Variants in FOXJ3 observed in about 807,000 individuals in gnomAD.
FOXJ3 encodes forkhead box protein J3.
Under a neutral mutation model 76.1 loss-of-function variants are expected in FOXJ3, and 22 were observed. That is an observed-to-expected ratio of 0.29 (90% CI 0.21 to 0.41). The LOEUF is 0.41. FOXJ3 is among the 10% of genes least tolerant of loss of function. The pLI, the probability that FOXJ3 is intolerant of heterozygous loss-of-function variation, is 1.00. For synonymous variants in FOXJ3, 269 were observed against 261.2 expected (o/e 1.03, Z -0.29); for missense variants, 613 against 762.1 (o/e 0.80, Z 2.30).
intron 2 of FOXJ3, among the ~76,000 whole-genome samples, chr1:42,309,037 T>C (rs1434436555): frequency 2.2e-5 from 3 of 138,258 alleles, no homozygotes; most frequent in African/African-American, 5.3e-5. Flanking sequence ...TACTGAGAAA[T>C]AGGATAGTCA....
At chr1:42,211,634 G>A (rs1403883161) in intron 5 of FOXJ3, among the ~76,000 whole-genome samples, 1 of 152,130 alleles carries the variant, frequency 6.6e-6, no homozygotes, top group East Asian at 1.9e-4. Context: ...TAAAGTACTG[G>A]AGGAGAAAAT....
chr1:42,301,403 T>C (rs1444673162), intron 2 of FOXJ3, among the ~76,000 whole-genome samples: 2 of 152,090 alleles, frequency 1.3e-5, no homozygotes, highest in Non-Finnish European at 2.9e-5. Flanking sequence ...GTTTTCACCA[T>C]GTTGGCCAGG....
At chr1:42,282,659 G>C (rs577179074) in intron 2 of FOXJ3, among the ~76,000 whole-genome samples, 27 of 152,202 alleles carry the variant, frequency 1.8e-4, no homozygotes, top group Admixed American at 1.5e-3. Context: ...ATAGTAACTG[G>C]ATAAGGAATA....
In FOXJ3 at chr1:42,234,869, C is replaced by T. The variant is rs115278823; in HGVS notation, c.445-6903G>A. Among the ~76,000 whole-genome samples, 1,290 of 152,304 alleles carry T rather than the reference C, an allele frequency of 8.5e-3. 7 individuals carry two copies. The highest frequency in any genetic ancestry group is 0.017 in the Middle Eastern group (5 of 292). On this transcript the variant is annotated intron_variant, in intron 4 of 12. Coordinates refer to ENST00000361346, the MANE Select transcript of FOXJ3 (RefSeq NM_014947.5). ...TCCAGTTAGGCTACAATTGAGGAGG[C>T]TGTCTGTCCGTTCTCAGATCTCCAG... is the stretch of plus-strand genomic sequence containing the variant.
intron 1 of FOXJ3, among the ~76,000 whole-genome samples, chr1:42,324,040 ATATATAG>A: frequency 6.8e-6 from 1 of 146,336 alleles, no homozygotes; most frequent in South Asian, 2.1e-4. Context: ...TATACACACT[ATATATAG>A]TATATACACT....
At chr1:42,197,299 G>A (rs1284540661) in intron 7 of FOXJ3, among the ~76,000 whole-genome samples, 1 of 151,922 alleles carries the variant, frequency 6.6e-6, no homozygotes, top group Non-Finnish European at 1.5e-5. Context: ...TAAGCCAGGA[G>A]TTCGAGACCA....
At chr1:42,236,323 T>C (rs1164900088) in intron 4 of FOXJ3, among the ~76,000 whole-genome samples, 1 of 152,170 alleles carries the variant, frequency 6.6e-6, no homozygotes. Flanking sequence ...CCTGAATAGG[T>C]AGGACTATAA....
intron 1 of FOXJ3, among the ~76,000 whole-genome samples, chr1:42,333,084 C>T (rs1229471528): frequency 6.6e-6 from 1 of 151,764 alleles, no homozygotes; most frequent in Non-Finnish European, 1.5e-5. Context: ...TGCTGACTTA[C>T]CAAAAAAAAA....
chr1:42,232,287 A>G (rs914764193), intron 4 of FOXJ3, among the ~76,000 whole-genome samples: 3 of 147,752 alleles, frequency 2.0e-5, no homozygotes, highest in African/African-American at 7.5e-5. Flanking sequence ...TAGCAGCATG[A>G]TTTACAATCC....
chr1:42,291,965 G>A (rs1259939763), intron 2 of FOXJ3, among the ~76,000 whole-genome samples: 5 of 152,088 alleles, frequency 3.3e-5, no homozygotes, highest in Admixed American at 6.6e-5. Flanking sequence ...CCAGGAGGAC[G>A]GGAGCAGGCT....
intron 1 of FOXJ3, among the ~76,000 whole-genome samples, chr1:42,321,403 A>G (rs1031688990): frequency 6.6e-6 from 1 of 152,140 alleles, no homozygotes; most frequent in African/African-American, 2.4e-5. Flanking sequence ...TCATTTATCT[A>G]TCATCCCTGA....
At chr1:42,293,070 C>T (rs2124709901) in intron 2 of FOXJ3, among the ~76,000 whole-genome samples, 2 of 152,218 alleles carry the variant, frequency 1.3e-5, no homozygotes, top group East Asian at 3.9e-4. Context: ...CACTGTACTC[C>T]AGCCTGGGTG....
intron 2 of FOXJ3, among the ~76,000 whole-genome samples, chr1:42,292,126 G>C (rs1653477706): frequency 6.6e-6 from 1 of 152,054 alleles, no homozygotes; most frequent in Non-Finnish European, 1.5e-5. Context: ...CAAAGAAAAA[G>C]GATTCATAAG....
chr1:42,281,008 A>G (rs1652669211), intron 2 of FOXJ3, among the ~76,000 whole-genome samples: 1 of 152,174 alleles, frequency 6.6e-6, no homozygotes, highest in Non-Finnish European at 1.5e-5. Flanking sequence ...TTTCATACAA[A>G]AGCATATTAC....
intron 4 of FOXJ3, among the ~76,000 whole-genome samples, chr1:42,235,243 C>T (rs1185688057): frequency 6.6e-6 from 1 of 152,202 alleles, no homozygotes; most frequent in African/African-American, 2.4e-5. Context: ...TTTGCTAAGA[C>T]TGTTGGAAAA....
At chr1:42,206,821 T>TTTC (rs57608774) in intron 5 of FOXJ3, among the ~76,000 whole-genome samples, 37 of 151,928 alleles carry the variant, frequency 2.4e-4, no homozygotes, top group Admixed American at 5.9e-4. Flanking sequence ...TCAGGTCTTA[T>TTTC]TTCTTCTTCT....
chr1:42,302,534 A>G (rs1389628020), intron 2 of FOXJ3, among the ~76,000 whole-genome samples: 1 of 152,200 alleles, frequency 6.6e-6, no homozygotes, highest in African/African-American at 2.4e-5. Flanking sequence ...CCAATGGGCA[A>G]CCACCAGTTA....
intron 3 of FOXJ3, among the ~76,000 whole-genome samples, chr1:42,277,229 A>C (rs1185799793): frequency 6.6e-6 from 1 of 152,084 alleles, no homozygotes; most frequent in East Asian, 1.9e-4. Flanking sequence ...GGATCACTTG[A>C]AGCCAGGAGT....
intron 5 of FOXJ3, among the ~76,000 whole-genome samples, chr1:42,212,981 A>C (rs959146682): frequency 4.6e-5 from 7 of 151,126 alleles, no homozygotes; most frequent in African/African-American, 1.7e-4. Flanking sequence ...ACAAAAAAAA[A>C]ACTAAGTTTC....
Sources: gnomAD v4.1 joint callset for allele counts (sites outside exome capture counted in the v4.1 genomes callset) on GRCh38, gnomAD v4.1.1 for gene constraint, MANE v1.5 for transcripts, NCBI Gene and HGNC (gene_info 2026-07-23, HGNC 2026-07-21) for gene names.